The following ALDH9A1 variants were observed in gnomAD, a reference collection of about 807,000 sequenced individuals.
ALDH9A1 encodes the protein aldehyde dehydrogenase 9 family member A1.
ALDH9A1 carries 42 observed loss-of-function variants against 56.6 expected under a neutral mutation model. That is an observed-to-expected ratio of 0.74 (90% CI 0.58 to 0.96). The LOEUF is 0.96. Among genes scored for constraint, ALDH9A1 ranks in the 40% least tolerant of loss-of-function variants. ALDH9A1 has a pLI of 0.00. For synonymous variants in ALDH9A1, 242 were observed against 236.0 expected, an observed-to-expected ratio of 1.03 and a Z score of -0.23; for missense variants, 661 against 651.5, an observed-to-expected ratio of 1.01 and a Z score of -0.16.
Position 165,668,714 on chromosome 1 carries a change from C to G in ALDH9A1, c.1207+212G>C, listed in dbSNP as rs1352098072. 15 of 398,872 alleles carry G rather than the reference C, an allele frequency of 3.8e-5. No individual in the cohort carries two copies. The East Asian group carries it at 5.9e-4, about 16-fold the overall frequency. The allele number at this position is 398,872 out of a possible 1,614,324, so 24.7% of individuals were successfully genotyped here. ...TGCTTCCAGAACAATAGTTGTGGTC[C>G]TGGATAAACTAATACATATGGGTGC... On this transcript the variant is annotated intron_variant, in intron 8 of 10. Coordinates refer to ENST00000354775, the MANE Select transcript of ALDH9A1 (RefSeq NM_000696.4).
chr1:165,688,763 C>T (rs10800131), intron 2 of ALDH9A1, among the ~76,000 whole-genome samples: 105,614 of 152,052 alleles, frequency 0.69, 36,991 homozygotes, highest in East Asian at 0.98. Flanking sequence ...TAAAAGAAAA[C>T]TGAGGGCTAA....
intron 2 of ALDH9A1, among the ~76,000 whole-genome samples, chr1:165,688,056 C>T (rs556735349): frequency 1.6e-4 from 25 of 152,160 alleles, no homozygotes; most frequent in Non-Finnish European, 2.8e-4. Flanking sequence ...GTGGCACACA[C>T]GTACAGTCCC....
chr1:165,684,889 A>G (rs1004756226), intron 2 of ALDH9A1, among the ~76,000 whole-genome samples: 2 of 152,150 alleles, frequency 1.3e-5, no homozygotes. Flanking sequence ...TGGATAGGCA[A>G]GTGGTTTTGG....
At chr1:165,684,287 A>G (rs956795664) in intron 2 of ALDH9A1, among the ~76,000 whole-genome samples, 2 of 152,226 alleles carry the variant, frequency 1.3e-5, no homozygotes, top group Admixed American at 1.3e-4. Context: ...AGGGCAAGTC[A>G]GCACATTTTA....
chr1:165,669,638 C>A (rs1330797908), intron 6 of ALDH9A1, among the ~76,000 whole-genome samples, 188 bp from the exon 7 acceptor site: 1 of 152,014 alleles, frequency 6.6e-6, no homozygotes, highest in East Asian at 1.9e-4. Flanking sequence ...TGTGGACATA[C>A]CACTCCACAA....
At chr1:165,687,881 G>A (rs577848073) in intron 2 of ALDH9A1, among the ~76,000 whole-genome samples, 4 of 152,044 alleles carry the variant, frequency 2.6e-5, no homozygotes, top group African/African-American at 9.6e-5. Context: ...CCAGCTACTC[G>A]GGAGGCTGAG....
chr1:165,672,477 T>C (rs191684717), intron 6 of ALDH9A1, among the ~76,000 whole-genome samples: 2 of 152,276 alleles, frequency 1.3e-5, no homozygotes, highest in East Asian at 3.9e-4. Context: ...GAGACGGGAA[T>C]TAGACTAGTG....
chr1:165,682,941 C>A, intron 3 of ALDH9A1, 40 bp downstream of exon 3: 1 of 1,603,512 alleles, frequency 6.2e-7, no homozygotes, highest in Non-Finnish European at 8.5e-7. Context: ...GCTCTTCTGC[C>A]TCATTATCAG....
rs548788963 is a variant in ALDH9A1 at position 165,686,982 on chromosome 1, A to G, written c.328-3872T>C. 4.6e-5 allele frequency among the ~76,000 whole-genome samples: 7 copies of G among 152,368 alleles called. No homozygotes were observed. The East Asian group carries it at 1.3e-3, about 29-fold the overall frequency. On this transcript the variant is annotated intron_variant, in intron 2 of 10. Transcript: ENST00000354775. ...CAAGAAGGCACAGAAAAACATAAGC[A>G]TGTTAAGGAGAGCCACAGAACACAT...
chr1:165,664,374 G>A (rs976841280), intron 10 of ALDH9A1, among the ~76,000 whole-genome samples: 2 of 152,146 alleles, frequency 1.3e-5, no homozygotes, highest in African/African-American at 4.8e-5. Flanking sequence ...TCAAGGTTCT[G>A]GCTATACTCC....
chr1:165,679,618 C>T, intron 5 of ALDH9A1, 36 bp from the exon 6 acceptor site: 2 of 1,612,744 alleles, frequency 1.2e-6, no homozygotes, highest in South Asian at 2.2e-5. Flanking sequence ...AGAACTTTAA[C>T]ACAAATTATA....
Position 165,662,523 on chromosome 1 carries a change from T to C in ALDH9A1, c.*527A>G, listed in dbSNP as rs1161303506. On this transcript the variant is annotated 3_prime_UTR_variant, in exon 11 of 11. Transcript: ENST00000354775. ...AATGTCAATGAGCTGAAATCATCTCTACTGATTCTACCAGGAACCTATAAA... is the reference window on the plus strand; with the variant it reads ...AATGTCAATGAGCTGAAATCATCTCCACTGATTCTACCAGGAACCTATAAA... 6.5e-6 allele frequency: 1 copy of C among 153,026 alleles called. No homozygotes were observed. Among genetic ancestry groups the C allele is most frequent in the Non-Finnish European group, 1.5e-5 (1 of 68,652 alleles). The allele number at this position is 153,026 out of a possible 1,614,324, so 9.5% of individuals were successfully genotyped here.
chr1:165,667,488 A>C, intron 8 of ALDH9A1, 38 bp from the exon 9 acceptor site: 2 of 1,607,426 alleles, frequency 1.2e-6, no homozygotes, highest in Non-Finnish European at 1.7e-6. Context: ...AGCAGCTGGG[A>C]CCACAGTGTG....
chr1:165,682,091 G>C lies in ALDH9A1; in HGVS notation c.592+16C>G. The C allele has an allele frequency of 6.2e-7, 1 of 1,613,520 alleles. No homozygotes were observed. The highest frequency in any genetic ancestry group is 8.5e-7 in the Non-Finnish European group (1 of 1,179,678). ...TGAACGAATGGCTCTCAAATGGAGG[G>C]ATAATTCATTCTTACCACAGGCTAA... On this transcript the variant is annotated intron_variant, in intron 4 of 10. Coordinates refer to ENST00000354775, the MANE Select transcript of ALDH9A1 (RefSeq NM_000696.4).
chr1:165,664,585 G>A (rs1648947629), intron 10 of ALDH9A1, among the ~76,000 whole-genome samples: 3 of 152,094 alleles, frequency 2.0e-5, no homozygotes, highest in African/African-American at 7.2e-5. Flanking sequence ...ACATAACAGA[G>A]GAAACAAAGT....
chr1:165,669,129 G>T, intron 7 of ALDH9A1, 116 bp from the exon 8 acceptor site: 1 of 1,323,196 alleles, frequency 7.6e-7, no homozygotes, highest in South Asian at 1.4e-5. Context: ...GTACAAAGCA[G>T]AACACAGCCA....
intron 9 of ALDH9A1, among the ~76,000 whole-genome samples, chr1:165,666,354 A>G (rs1309261795): frequency 6.6e-6 from 1 of 152,236 alleles, no homozygotes; most frequent in Non-Finnish European, 1.5e-5. Flanking sequence ...CTCCATGAAT[A>G]AACTAAAACC....
intron 6 of ALDH9A1, 53 bp from the exon 7 acceptor site, chr1:165,669,503 G>A: frequency 2.1e-6 from 3 of 1,444,020 alleles, no homozygotes; most frequent in African/African-American, 1.4e-5. Flanking sequence ...AGAAAAAAGG[G>A]AAAAGGAAAA....
At chr1:165,695,437 G>T in intron 1 of ALDH9A1, 40 bp from the exon 2 acceptor site, 1 of 1,491,876 alleles carries the variant, frequency 6.7e-7, no homozygotes. Flanking sequence ...TCAAATTGTT[G>T]CCACATATTT....
Sources: gnomAD v4.1 joint callset for allele counts (sites outside exome capture counted in the v4.1 genomes callset) on GRCh38, gnomAD v4.1.1 for gene constraint, MANE v1.5 for transcripts, NCBI Gene and HGNC (gene_info 2026-07-23, HGNC 2026-07-21) for gene names.